The following LRGUK variants were observed in gnomAD, a reference collection of about 807,000 sequenced individuals.
LRGUK encodes the protein leucine-rich repeat and guanylate kinase domain-containing protein.
A neutral mutation model predicts 76.0 loss-of-function variants in LRGUK; 65 were observed. The ratio of observed to expected loss-of-function variants is 0.85; its 90% CI spans 0.70 to 1.05. The LOEUF (loss-of-function observed/expected upper bound fraction) is 1.05, where lower values mean the gene tolerates loss of function less well. Ranked by LOEUF, LRGUK falls within the 50% of genes least tolerant of loss-of-function variation. LRGUK has a pLI of 0.00. For synonymous variants in LRGUK, 268 were observed against 265.6 expected, an observed-to-expected ratio of 1.01 and a Z score of -0.09; for missense variants, 758 against 732.8, an observed-to-expected ratio of 1.03 and a Z score of -0.40.
chr7:134,176,638 G>A (rs550510994), intron 8 of LRGUK, among the ~76,000 whole-genome samples: 1 of 152,062 alleles, frequency 6.6e-6, no homozygotes, highest in East Asian at 1.9e-4. Flanking sequence ...CCTTGGCCTC[G>A]CAAAGTGCTG....
chr7:134,206,528 A>C (rs981103020), intron 15 of LRGUK, among the ~76,000 whole-genome samples: 4 of 150,438 alleles, frequency 2.7e-5, no homozygotes, highest in East Asian at 3.9e-4. Context: ...TAAATAAATA[A>C]ATACATATAT....
chr7:134,252,537 A>G (rs985340003), intron 18 of LRGUK, among the ~76,000 whole-genome samples: 4 of 152,140 alleles, frequency 2.6e-5, no homozygotes, highest in Admixed American at 1.3e-4. Flanking sequence ...GACACTTCTA[A>G]GCAGAATCCT....
chr7:134,154,567 G>C (rs1280521795), intron 5 of LRGUK, among the ~76,000 whole-genome samples: 1 of 152,244 alleles, frequency 6.6e-6, no homozygotes, highest in African/African-American at 2.4e-5. Context: ...TTAATTTAGA[G>C]TGTCTGAAAT....
At chr7:134,167,883 T>C (rs906288955) in intron 7 of LRGUK, among the ~76,000 whole-genome samples, 3 of 152,220 alleles carry the variant, frequency 2.0e-5, no homozygotes, top group African/African-American at 7.2e-5. Flanking sequence ...TTTATCCCTT[T>C]ACACTGTTTA....
intron 16 of LRGUK, among the ~76,000 whole-genome samples, chr7:134,238,414 C>CT (rs1158447619): frequency 6.6e-6 from 1 of 151,900 alleles, no homozygotes; most frequent in East Asian, 1.9e-4. Flanking sequence ...CTCTTGAGTC[C>CT]TTTTTTACCT....
At chr7:134,162,734 G>A (rs113126907) in intron 6 of LRGUK, among the ~76,000 whole-genome samples, 19,963 of 151,196 alleles carry the variant, frequency 0.13, 1,659 homozygotes, top group East Asian at 0.32. Flanking sequence ...GGCTGAGGCA[G>A]GAGAATCACT....
rs1443015614 is a variant in LRGUK, at chr7:134,200,007, TATA to T, written c.1747+587_1747+589del. Among the ~76,000 whole-genome samples the T allele has an allele frequency of 3.0e-3, 387 of 129,920 alleles. 4 individuals carry two copies. The highest frequency in any genetic ancestry group is 4.4e-3 in the Non-Finnish European group (268 of 60,664). The allele number at this position is 129,920 out of a possible 152,430, so 85.2% of individuals were successfully genotyped here. On this transcript the variant is annotated intron_variant, in intron 14 of 15. Coordinates refer to ENST00000645682, the Ensembl canonical transcript of LRGUK. The stretch of plus-strand genomic sequence containing the variant: ...TTATATATATATATATATATATATA[TATA>T]TATATATATATATATATATGTATAA...
At chr7:134,270,080 T>A in the LRGUK span, among the ~76,000 whole-genome samples, 3 of 152,102 alleles carry the variant, frequency 2.0e-5, no homozygotes, top group African/African-American at 4.8e-5. Flanking sequence ...GGACTAGAAG[T>A]TCAAGCCAGT....
At position 134,204,932 on chromosome 7, in the gene LRGUK, CTTGCTGACTT is replaced by C. The variant is rs1391638277; in HGVS notation, c.1843+3357_1843+3366del. Among the ~76,000 whole-genome samples the C allele has an allele frequency of 4.6e-5, 7 of 152,266 alleles. No homozygotes were observed. In the East Asian group the frequency reaches 7.7e-4, roughly 17 times the overall value. On this transcript the variant is annotated intron_variant, in intron 15 of 15. Transcript: ENST00000645682. Reference sequence around the variant, plus strand: ...TGGTTCCTGCCAGTGGGTTCGTGGTCTTGCTGACTTCAAGAATGGAGCCGTGGACCTTCGT... The same window carrying C: ...TGGTTCCTGCCAGTGGGTTCGTGGTCCAAGAATGGAGCCGTGGACCTTCGT...
chr7:134,266,327 G>A (rs1075031), downstream of LRGUK, among the ~76,000 whole-genome samples: 14,643 of 152,148 alleles, frequency 0.096, 1,812 homozygotes, highest in African/African-American at 0.28. Context: ...TGGAATTATT[G>A]GGTAAGGATT....
rs2117059020 is a variant in LRGUK, at chr7:134,193,278, A to T, written c.1431+1527A>T. On this transcript the variant is annotated intron_variant, in intron 12 of 15. Transcript: ENST00000645682. ...TTTATGTTTCTAAAAGCCTCAATAGAGATTTGAGAAGTTATCTTGATATTA... is the reference window on the plus strand; with the variant it reads ...TTTATGTTTCTAAAAGCCTCAATAGTGATTTGAGAAGTTATCTTGATATTA... Among the ~76,000 whole-genome samples, 4 of 152,342 alleles carry T rather than the reference A, an allele frequency of 2.6e-5. 1 individual carries two copies. The Middle Eastern group carries it at 0.01, about 389-fold the overall frequency.
chr7:134,263,036 C>T (rs1802774755), intron 19 of LRGUK, among the ~76,000 whole-genome samples: 2 of 149,766 alleles, frequency 1.3e-5, no homozygotes, highest in Non-Finnish European at 3.0e-5. Context: ...ACAATATCCT[C>T]TCAAACAATG....
intron 18 of LRGUK, 148 bp downstream of exon 18, chr7:134,249,224 GC>G: frequency 1.5e-5 from 13 of 859,546 alleles, no homozygotes; most frequent in Non-Finnish European, 2.0e-5. Context: ...AGTAGACCCT[GC>G]CCCTCTATGG....
At chr7:134,273,147 C>T in the LRGUK span, among the ~76,000 whole-genome samples, 1 of 152,170 alleles carries the variant, frequency 6.6e-6, no homozygotes, top group Non-Finnish European at 1.5e-5. Flanking sequence ...ACATAATAAG[C>T]CAACTGCTCC....
intron 1 of LRGUK, among the ~76,000 whole-genome samples, chr7:134,135,408 G>A (rs1229240823): frequency 6.6e-6 from 1 of 152,142 alleles, no homozygotes; most frequent in Non-Finnish European, 1.5e-5. Context: ...TCTGCCTTGA[G>A]GCAGATAAAG....
chr7:134,153,684 T>TG (rs2116892061), intron 5 of LRGUK, among the ~76,000 whole-genome samples: 1 of 152,336 alleles, frequency 6.6e-6, no homozygotes, highest in Admixed American at 6.5e-5. Flanking sequence ...GTTTTTCCCA[T>TG]GTTGCAATTC....
chr7:134,196,425 T>C (rs979392197), intron 12 of LRGUK, among the ~76,000 whole-genome samples: 1 of 152,184 alleles, frequency 6.6e-6, no homozygotes, highest in Non-Finnish European at 1.5e-5. Flanking sequence ...TGGATGACAT[T>C]TGGGGCAGTT....
Position 134,227,353 on chromosome 7 carries a change from G to C in LRGUK, c.1983+5435G>C, listed in dbSNP as rs118132580. Among the ~76,000 whole-genome samples the C allele has an allele frequency of 5.3e-3, 805 of 152,202 alleles. 2 individuals are homozygous for C. The highest frequency in any genetic ancestry group is 9.1e-3 in the Non-Finnish European group (621 of 68,010). On this transcript the variant is annotated intron_variant, in intron 16 of 19. Coordinates refer to the LRGUK transcript ENST00000285928. ...AGTAAAGGTGAACAAAAAGAAGTCA[G>C]GACTTCATAGGAGCCACAGTTAAAG...
At chr7:134,187,233 C>T (rs954179343) in intron 11 of LRGUK, among the ~76,000 whole-genome samples, 1 of 150,900 alleles carries the variant, frequency 6.6e-6, no homozygotes, top group Non-Finnish European at 1.5e-5. Context: ...AGTCATTGCT[C>T]TTGTTTAGAT....
Sources: gnomAD v4.1 joint callset for allele counts (sites outside exome capture counted in the v4.1 genomes callset) on GRCh38, gnomAD v4.1.1 for gene constraint, MANE v1.5 for transcripts, NCBI Gene and HGNC (gene_info 2026-07-23, HGNC 2026-07-21) for gene names.